Variants in ENPP2 observed in about 807,000 individuals in gnomAD.
ENPP2 encodes the protein autotaxin.
In ENPP2, 51 loss-of-function variants were observed where a neutral mutation model predicts 120.2. That is an observed-to-expected ratio of 0.42 (90% CI 0.34 to 0.54). The LOEUF (loss-of-function observed/expected upper bound fraction) is 0.54. Ranked by LOEUF, ENPP2 falls within the 20% of genes least tolerant of loss-of-function variation. The pLI, the probability that ENPP2 is intolerant of heterozygous loss-of-function variation, is 0.04. For synonymous variants in ENPP2, 365 were observed against 366.4 expected, an observed-to-expected ratio of 1.00 and a Z score of 0.04; for missense variants, 920 against 1,066.5, an observed-to-expected ratio of 0.86 and a Z score of 1.91.
chr8:119,590,232 G>A (rs1361569502), intron 13 of ENPP2, among the ~76,000 whole-genome samples: 2 of 152,146 alleles, frequency 1.3e-5, no homozygotes, highest in South Asian at 2.1e-4. Context: ...ATAAGAATAA[G>A]AGCAAATATT....
chr8:119,643,833 AT>A (rs1244821719), upstream of ENPP2, among the ~76,000 whole-genome samples: 2 of 152,204 alleles, frequency 1.3e-5, no homozygotes, highest in Admixed American at 1.3e-4. Flanking sequence ...TCAGAGAAGA[AT>A]TTGTGGAGTA....
At chr8:119,619,036 T>C (rs369884727) in intron 5 of ENPP2, among the ~76,000 whole-genome samples, 97 of 152,134 alleles carry the variant, frequency 6.4e-4, no homozygotes, top group African/African-American at 2.3e-3. Flanking sequence ...GCAGAGGTGA[T>C]TGGAGAAAAC....
At chr8:119,568,773 A>G (rs917519860) in intron 21 of ENPP2, among the ~76,000 whole-genome samples, 3 of 151,996 alleles carry the variant, frequency 2.0e-5, no homozygotes, top group Admixed American at 1.3e-4. Context: ...CTAATTTTTT[A>G]ATTTTTTTAG....
At chr8:119,600,094 G>C (rs374673989) in intron 11 of ENPP2, among the ~76,000 whole-genome samples, 4 of 152,040 alleles carry the variant, frequency 2.6e-5, no homozygotes, top group East Asian at 1.9e-4. Flanking sequence ...TGTTACTTTG[G>C]GGGGGTGATG....
intron 16 of ENPP2, 62 bp downstream of exon 16, chr8:119,583,900 A>G (rs549932918): frequency 1.1e-5 from 16 of 1,409,786 alleles, no homozygotes; most frequent in South Asian, 6.9e-5. Context: ...TCACACCACC[A>G]TTACTTATCC....
At chr8:119,620,666 A>G (rs1815827719) in intron 4 of ENPP2, among the ~76,000 whole-genome samples, 1 of 152,236 alleles carries the variant, frequency 6.6e-6, no homozygotes, top group South Asian at 2.1e-4. Flanking sequence ...ACTTAAACCC[A>G]TTAAAGAGAA....
chr8:119,587,514 G>T (rs1813197944), intron 13 of ENPP2, among the ~76,000 whole-genome samples: 1 of 152,124 alleles, frequency 6.6e-6, no homozygotes, highest in Non-Finnish European at 1.5e-5. Flanking sequence ...CCCACTTTAA[G>T]TTGAAACTTC....
At chr8:119,619,338 T>C (rs1211149579) in intron 4 of ENPP2, 34 bp from the exon 5 acceptor site, 1 of 1,443,154 alleles carries the variant, frequency 6.9e-7, no homozygotes, top group Non-Finnish European at 9.7e-7. Flanking sequence ...TATTGTTGAA[T>C]CTAATTACAA....
intron 9 of ENPP2, among the ~76,000 whole-genome samples, chr8:119,604,866 T>C (rs188131668): frequency 0.027 from 4,149 of 152,192 alleles, 85 homozygotes; most frequent in Non-Finnish European, 0.042. Context: ...CTCCGCCTCC[T>C]GGGTTCACAC....
chr8:119,580,358 T>G lies in ENPP2; in HGVS notation c.1729-191A>C. The G allele has an allele frequency of 6.6e-6, 4 of 608,166 alleles. No individual in the cohort carries two copies. The South Asian group carries it at 7.8e-5, about 12-fold the overall frequency. 37.7% of individuals were successfully genotyped at this position (608,166 alleles called of 1,614,324 possible). On this transcript the variant is annotated intron_variant, in intron 18 of 24. Transcript: ENST00000075322. The stretch of plus-strand genomic sequence containing the variant: ...ACATTCTGGGCTCCACCTCTAGCAG[T>G]TCTATGTTTGTAAGCACCTTCTTCA...
chr8:119,651,376 T>C (rs1340766324), intron 1 of ENPP2, among the ~76,000 whole-genome samples: 1 of 152,188 alleles, frequency 6.6e-6, no homozygotes, highest in African/African-American at 2.4e-5. Flanking sequence ...ACTGGGGACA[T>C]TTACATAGTG....
At chr8:119,668,470 C>T (rs1818144425) in intron 1 of ENPP2, among the ~76,000 whole-genome samples, 1 of 140,526 alleles carries the variant, frequency 7.1e-6, no homozygotes, top group Non-Finnish European at 1.5e-5. Context: ...CACTCTGTTG[C>T]CCAGGCTGGA....
At chr8:119,641,084 C>T (rs1817273704), upstream of ENPP2, among the ~76,000 whole-genome samples, 1 of 152,150 alleles carries the variant, frequency 6.6e-6, no homozygotes, top group African/African-American at 2.4e-5. Context: ...TGCCAAAGAA[C>T]TTTGTCTTTT....
Position 119,583,790 on chromosome 8 carries a change from A to G in ENPP2, c.1470T>C (p.Gly490=), listed in dbSNP as rs527239155. The change falls in exon 17 of 25, where the codon GGT becomes GGC. Residue 490 remains glycine (G), a synonymous_variant. Coordinates refer to ENST00000075322, the MANE Select transcript of ENPP2 (RefSeq NM_001040092.3). ...KVNSMQTVFV[G]YGSTFKYKTK... Reference sequence around the variant, plus strand: ...TCTTGTACTTAAATGTTGAGCCATAACCTACAAAAACAGTCTTCCAAAAGA... The same window carrying G: ...TCTTGTACTTAAATGTTGAGCCATAGCCTACAAAAACAGTCTTCCAAAAGA... The G allele has an allele frequency of 5.0e-5, 80 of 1,589,664 alleles. No homozygotes were observed. The South Asian group carries it at 8.1e-4, about 16-fold the overall frequency.
At chr8:119,625,370 C>CA (rs1482361207) in intron 3 of ENPP2, among the ~76,000 whole-genome samples, 3 of 152,042 alleles carry the variant, frequency 2.0e-5, no homozygotes, top group East Asian at 1.9e-4. Context: ...ATGTGTTCTG[C>CA]AAAAAACAGC....
At chr8:119,583,593 C>T (rs958730067) in intron 17 of ENPP2, 124 bp downstream of exon 17, 5 of 614,062 alleles carry the variant, frequency 8.1e-6, no homozygotes, top group African/African-American at 7.4e-5. Flanking sequence ...AAGTTACAAC[C>T]TTTTGTGGGG....
intron 1 of ENPP2, among the ~76,000 whole-genome samples, chr8:119,664,824 C>G (rs953436996): frequency 6.6e-6 from 1 of 152,094 alleles, no homozygotes; most frequent in Non-Finnish European, 1.5e-5. Flanking sequence ...GCCTGTAGTC[C>G]CAGCTACTTG....
intron 1 of ENPP2, among the ~76,000 whole-genome samples, chr8:119,664,452 T>A (rs1056144263): frequency 6.6e-6 from 1 of 152,006 alleles, no homozygotes. Flanking sequence ...GAAATGAAAA[T>A]GATTTGCAAG....
chr8:119,570,162 G>A (rs144685361), intron 20 of ENPP2, among the ~76,000 whole-genome samples: 5,316 of 151,870 alleles, frequency 0.035, 251 homozygotes, highest in African/African-American at 0.1. Context: ...CCAGCTACTC[G>A]GGAGGCTGAG....
Sources: allele counts gnomAD v4.1 joint callset (sites outside exome capture counted in the v4.1 genomes callset), GRCh38; gene constraint gnomAD v4.1.1; transcripts MANE v1.5; gene names NCBI Gene and HGNC (gene_info 2026-07-23, HGNC 2026-07-21).